Variants in ATG10 observed in about 807,000 individuals in gnomAD.
The protein encoded by ATG10 is ubiquitin-like-conjugating enzyme ATG10.
ATG10 carries 30 observed loss-of-function variants against 32.1 expected under a neutral mutation model. That is an observed-to-expected ratio of 0.94 (90% CI 0.70 to 1.27). The LOEUF (loss-of-function observed/expected upper bound fraction) is 1.27, where lower values mean the gene tolerates loss of function less well. Among genes scored for constraint, ATG10 ranks in the 50% most tolerant of loss-of-function variants. The pLI is 0.00. For synonymous variants in ATG10, 87 were observed against 91.5 expected (o/e 0.95, Z 0.28); for missense variants, 233 against 262.3 (o/e 0.89, Z 0.77).
At chr5:82,180,648 G>A (rs1744194949) in intron 5 of ATG10, among the ~76,000 whole-genome samples, 1 of 152,088 alleles carries the variant, frequency 6.6e-6, no homozygotes, top group Non-Finnish European at 1.5e-5. Context: ...GAAAATGTTT[G>A]GTTGTAAGAG....
intron 5 of ATG10, among the ~76,000 whole-genome samples, chr5:82,240,606 G>T (rs1746748919): frequency 6.6e-6 from 1 of 152,128 alleles, no homozygotes; most frequent in South Asian, 2.1e-4. Flanking sequence ...GAACAATAGG[G>T]TGACTTAAGA....
intron 3 of ATG10, among the ~76,000 whole-genome samples, chr5:82,082,382 C>T (rs892057601): frequency 2.0e-5 from 3 of 152,132 alleles, no homozygotes; most frequent in African/African-American, 7.2e-5. Flanking sequence ...TAAACACCTA[C>T]TTTCTTATAT....
intron 3 of ATG10, among the ~76,000 whole-genome samples, chr5:82,129,673 G>T (rs1165222512): frequency 6.6e-6 from 1 of 152,126 alleles, no homozygotes; most frequent in African/African-American, 2.4e-5. Flanking sequence ...ACCAGCGGAG[G>T]CTGCAGAACA....
intron 3 of ATG10, among the ~76,000 whole-genome samples, chr5:82,136,378 C>T (rs370791729): frequency 5.3e-5 from 8 of 152,078 alleles, no homozygotes; most frequent in East Asian, 1.9e-4. Flanking sequence ...TTTTCCTTTC[C>T]GTATTTAGTG....
chr5:82,175,398 G>T (rs1462958575), intron 4 of ATG10, among the ~76,000 whole-genome samples: 1 of 152,044 alleles, frequency 6.6e-6, no homozygotes, highest in Non-Finnish European at 1.5e-5. Flanking sequence ...CTCCCACCTG[G>T]GTCTCCCAAA....
At chr5:82,052,323 A>G (rs961691784) in intron 2 of ATG10, among the ~76,000 whole-genome samples, 5 of 152,192 alleles carry the variant, frequency 3.3e-5, no homozygotes, top group African/African-American at 1.2e-4. Flanking sequence ...GCATAGCCCT[A>G]TGACAGCTTG....
At chr5:82,007,318 T>G (rs1278118454) in intron 2 of ATG10, among the ~76,000 whole-genome samples, 1 of 152,212 alleles carries the variant, frequency 6.6e-6, no homozygotes, top group Admixed American at 6.5e-5. Flanking sequence ...TGAAATACAT[T>G]ATTAAACAGT....
intron 3 of ATG10, among the ~76,000 whole-genome samples, chr5:82,127,337 TA>T (rs1307573718): frequency 3.3e-5 from 5 of 152,274 alleles, no homozygotes; most frequent in South Asian, 4.1e-4. Flanking sequence ...TTTGAATTTG[TA>T]TGTCCTTGCT....
At chr5:82,212,703 T>C (rs1375432710) in intron 5 of ATG10, among the ~76,000 whole-genome samples, 1 of 152,190 alleles carries the variant, frequency 6.6e-6, no homozygotes, top group Non-Finnish European at 1.5e-5. Context: ...TTAATGAAGG[T>C]CAATTTGGTA....
At position 81,987,564 on chromosome 5, in the gene ATG10, A is replaced by C. The variant is rs2079642829; in HGVS notation, c.-7A>C. The C allele has an allele frequency of 6.3e-7, 1 of 1,585,214 alleles. No individual in the cohort carries two copies. Among genetic ancestry groups the C allele is most frequent in the Non-Finnish European group, 8.6e-7 (1 of 1,159,412 alleles). ...ACTTAGTTTTTGTATTGCAGTTATC[A>C]TTTAACATGGAAGAAGATGAGTTCA... On this transcript the variant is annotated 5_prime_UTR_variant, in exon 2 of 8. Coordinates refer to ENST00000282185, the MANE Select transcript of ATG10 (RefSeq NM_031482.5).
chr5:82,161,620 G>A (rs1321354332), intron 3 of ATG10, among the ~76,000 whole-genome samples: 5 of 150,788 alleles, frequency 3.3e-5, no homozygotes, highest in African/African-American at 4.9e-5. Context: ...CAAATCCTTC[G>A]ATTAAGTATG....
chr5:82,185,924 T>C (rs1744429155), intron 5 of ATG10, among the ~76,000 whole-genome samples: 1 of 152,210 alleles, frequency 6.6e-6, no homozygotes, highest in South Asian at 2.1e-4. Flanking sequence ...TTTTAACTGT[T>C]TCTATTTTAA....
rs190646910 is a variant in ATG10, at chr5:82,240,364, A to G, written c.454-12198A>G. Among the ~76,000 whole-genome samples the G allele has an allele frequency of 3.9e-5, 6 of 152,370 alleles. No homozygotes were observed. The East Asian group carries it at 1.2e-3, about 29-fold the overall frequency. ...AAAGAGATAAAATCTGTCATTTGCA[A>G]TAACATGGATGGAACTGGAGGACAT... On this transcript the variant is annotated intron_variant, in intron 5 of 7. Coordinates refer to ENST00000282185, the MANE Select transcript of ATG10 (RefSeq NM_031482.5).
intron 5 of ATG10, among the ~76,000 whole-genome samples, chr5:82,207,870 C>G (rs1322066535): frequency 6.6e-6 from 1 of 152,132 alleles, no homozygotes; most frequent in East Asian, 1.9e-4. Context: ...TTCATTTTAA[C>G]TGTAATAAAT....
At chr5:82,138,052 C>G (rs192596739) in intron 3 of ATG10, among the ~76,000 whole-genome samples, 1 of 152,306 alleles carries the variant, frequency 6.6e-6, no homozygotes, top group East Asian at 1.9e-4. Context: ...AGTCAAGACT[C>G]AGTAATGGTG....
At chr5:82,077,402 A>T (rs1764312267) in intron 3 of ATG10, among the ~76,000 whole-genome samples, 1 of 152,214 alleles carries the variant, frequency 6.6e-6, no homozygotes, top group Non-Finnish European at 1.5e-5. Context: ...TAAATATTTT[A>T]TAGAGATTTT....
At chr5:81,983,812 C>T (rs1345626193) in intron 1 of ATG10, among the ~76,000 whole-genome samples, 1 of 151,914 alleles carries the variant, frequency 6.6e-6, no homozygotes, top group Non-Finnish European at 1.5e-5. Context: ...AGACGCTCCT[C>T]ACCTCCCAGA....
intron 3 of ATG10, among the ~76,000 whole-genome samples, chr5:82,095,038 A>G (rs957401829): frequency 6.6e-6 from 1 of 152,220 alleles, no homozygotes; most frequent in Non-Finnish European, 1.5e-5. Flanking sequence ...TAGAATATTA[A>G]TAGTGAGCAT....
rs200429527 is a variant in ATG10 at position 82,094,123 on chromosome 5, AC to A, written c.216+35522del. On this transcript the variant is annotated intron_variant, in intron 3 of 7. Coordinates refer to ENST00000282185, the MANE Select transcript of ATG10 (RefSeq NM_031482.5). ...CACCTCATCGCGGGAAGCCTTATGG[AC>A]TTTGCCTCGGTTATACCTTCTTGCA... Among the ~76,000 whole-genome samples, 1,292 of 152,170 alleles carry A rather than the reference AC, an allele frequency of 8.5e-3. 16 individuals are homozygous for A. Among genetic ancestry groups the A allele is most frequent in the African/African-American group, 0.029 (1,218 of 41,504 alleles).
Sources: allele counts gnomAD v4.1 joint callset (sites outside exome capture counted in the v4.1 genomes callset), GRCh38; gene constraint gnomAD v4.1.1; transcripts MANE v1.5; gene names NCBI Gene and HGNC (gene_info 2026-07-23, HGNC 2026-07-21).